Variants in FAM163A observed in about 807,000 individuals in gnomAD.
FAM163A encodes the protein family with sequence similarity 163 member A.
FAM163A carries 7 observed loss-of-function variants against 12.0 expected under a neutral mutation model. The observed-to-expected ratio is 0.58, with a 90% confidence interval of 0.33 to 1.10. The LOEUF is 1.10. Among genes scored for constraint, FAM163A ranks in the 50% least tolerant of loss-of-function variants. The pLI, the probability that FAM163A is intolerant of heterozygous loss-of-function variation, is 0.03. For missense variants in FAM163A, 202 were observed against 218.6 expected (o/e 0.92, Z 0.48); for synonymous variants, 101 against 91.0 (o/e 1.11, Z -0.62).
At chr1:179,741,185 T>C (rs530775311), upstream of FAM163A, among the ~76,000 whole-genome samples, 1 of 152,324 alleles carries the variant, frequency 6.6e-6, no homozygotes, top group South Asian at 2.1e-4. Flanking sequence ...TATGTAGAAG[T>C]GCCCAATTTC....
chr1:179,744,732 TCCCCCAGGG>T (rs549101173), intron 1 of FAM163A, among the ~76,000 whole-genome samples: 5 of 152,008 alleles, frequency 3.3e-5, no homozygotes, highest in Admixed American at 1.3e-4. Flanking sequence ...ACCTGGGCCC[TCCCCCAGGG>T]CGCCCAGGGG....
chr1:179,766,903 A>G (rs895648879), intron 1 of FAM163A, among the ~76,000 whole-genome samples: 2 of 151,994 alleles, frequency 1.3e-5, no homozygotes, highest in Non-Finnish European at 2.9e-5. Context: ...TTACAGGCAC[A>G]TGCCACCACG....
In FAM163A at chr1:179,813,096, G is replaced by A. The variant is rs1367963644; in HGVS notation, c.-2G>A. ...TGCAGAGTTTGATGGGGCGCCGGGC[G>A]GATGACAGCGGGAACGGTTGTGATC... On this transcript the variant is annotated 5_prime_UTR_variant, in exon 4 of 5. Coordinates refer to ENST00000341785, the MANE Select transcript of FAM163A (RefSeq NM_173509.3). 36 of 1,551,604 alleles carry A rather than the reference G, an allele frequency of 2.3e-5. No individual in the cohort carries two copies. Among genetic ancestry groups the A allele is most frequent in the Non-Finnish European group, 3.1e-5 (35 of 1,146,992 alleles).
At chr1:179,757,873 G>C (rs1686252851) in intron 1 of FAM163A, among the ~76,000 whole-genome samples, 1 of 152,184 alleles carries the variant, frequency 6.6e-6, no homozygotes, top group South Asian at 2.1e-4. Flanking sequence ...GGTGTGAAAA[G>C]AACAAAGGTT....
chr1:179,783,732 A>ATATATAT (rs1557940057), intron 1 of FAM163A, among the ~76,000 whole-genome samples: 852 of 75,712 alleles, frequency 0.011, 81 homozygotes, highest in African/African-American at 0.025. Context: ...AATTTTATAT[A>ATATATAT]ATTGAGCCCA....
chr1:179,739,315 G>T (rs999037627), upstream of FAM163A, among the ~76,000 whole-genome samples: 3 of 152,020 alleles, frequency 2.0e-5, no homozygotes, highest in Non-Finnish European at 4.4e-5. Context: ...AGTAAAATTA[G>T]ACCTTATCAA....
chr1:179,798,421 A>T (rs1042955014), intron 1 of FAM163A, among the ~76,000 whole-genome samples: 1 of 152,104 alleles, frequency 6.6e-6, no homozygotes, highest in Non-Finnish European at 1.5e-5. Context: ...TTGTTTCAGG[A>T]GCTGCCTCTG....
intron 1 of FAM163A, among the ~76,000 whole-genome samples, chr1:179,798,243 A>G (rs1692647690): frequency 6.6e-6 from 1 of 152,070 alleles, no homozygotes; most frequent in Non-Finnish European, 1.5e-5. Flanking sequence ...AATATAAGGC[A>G]TGTGTTTAGA....
At chr1:179,734,904 A>G in the FAM163A span, among the ~76,000 whole-genome samples, 1 of 152,176 alleles carries the variant, frequency 6.6e-6, no homozygotes, top group Non-Finnish European at 1.5e-5. Flanking sequence ...GAGCTGTTTC[A>G]ATTGGCCAGG....
At chr1:179,766,917 G>A (rs774670332) in intron 1 of FAM163A, among the ~76,000 whole-genome samples, 3 of 151,904 alleles carry the variant, frequency 2.0e-5, no homozygotes, top group Admixed American at 1.3e-4. Flanking sequence ...CACCACGCTC[G>A]GCTAATTTTT....
At chr1:179,749,642 A>G (rs1684987282) in intron 1 of FAM163A, among the ~76,000 whole-genome samples, 1 of 152,204 alleles carries the variant, frequency 6.6e-6, no homozygotes, top group Non-Finnish European at 1.5e-5. Context: ...GCTTGAGGTC[A>G]GGAGTTCGAG....
chr1:179,799,404 G>A (rs537808943), intron 1 of FAM163A, among the ~76,000 whole-genome samples: 1 of 152,194 alleles, frequency 6.6e-6, no homozygotes, highest in South Asian at 2.1e-4. Context: ...GGTAGGCCAG[G>A]AAAGAGCACT....
chr1:179,740,797 G>A (rs201379197), upstream of FAM163A, among the ~76,000 whole-genome samples: 1 of 152,290 alleles, frequency 6.6e-6, no homozygotes, highest in East Asian at 1.9e-4. Context: ...GGATCTTGCG[G>A]TGGTGGAAAT....
intron 1 of FAM163A, among the ~76,000 whole-genome samples, chr1:179,769,945 A>T (rs796632128): frequency 2.0e-4 from 23 of 115,968 alleles, no homozygotes; most frequent in African/African-American, 7.8e-4. Flanking sequence ...TTGCTCTGTC[A>T]CCCAGGCTGG....
chr1:179,777,661 T>G (rs1472772211), intron 1 of FAM163A, among the ~76,000 whole-genome samples: 2 of 152,212 alleles, frequency 1.3e-5, no homozygotes, highest in East Asian at 3.9e-4. Context: ...CAGACTCCCC[T>G]GGGAGATACA....
chr1:179,768,963 T>C (rs1687892099), intron 1 of FAM163A, among the ~76,000 whole-genome samples: 1 of 151,702 alleles, frequency 6.6e-6, no homozygotes, highest in Non-Finnish European at 1.5e-5. Flanking sequence ...AGCGCATTAA[T>C]GGTATTGTGT....
At chr1:179,802,984 A>G (rs890668800) in intron 1 of FAM163A, among the ~76,000 whole-genome samples, 6 of 152,066 alleles carry the variant, frequency 3.9e-5, no homozygotes, top group South Asian at 2.1e-4. Flanking sequence ...GTAGTTACCC[A>G]TCTAGGGTAA....
At chr1:179,806,928 ACT>A (rs1317596749) in intron 1 of FAM163A, among the ~76,000 whole-genome samples, 1 of 152,128 alleles carries the variant, frequency 6.6e-6, no homozygotes, top group African/African-American at 2.4e-5. Context: ...ATGTGGTGAA[ACT>A]CTATCTCTAC....
chr1:179,784,554 G>A (rs576742889), intron 1 of FAM163A, among the ~76,000 whole-genome samples: 1 of 152,262 alleles, frequency 6.6e-6, no homozygotes, highest in African/African-American at 2.4e-5. Context: ...GTCCCTTCCT[G>A]CTTGGTCCAG....
Sources: gnomAD v4.1 joint callset for allele counts (sites outside exome capture counted in the v4.1 genomes callset) on GRCh38, gnomAD v4.1.1 for gene constraint, MANE v1.5 for transcripts, NCBI Gene and HGNC (gene_info 2026-07-23, HGNC 2026-07-21) for gene names.